The following DCC variants were observed in gnomAD, a reference collection of about 807,000 sequenced individuals.
The protein encoded by DCC is netrin receptor DCC.
In DCC, 58 loss-of-function variants were observed where a neutral mutation model predicts 172.5. The ratio of observed to expected loss-of-function variants is 0.34; its 90% CI spans 0.27 to 0.42. The LOEUF is 0.42. DCC is among the 10% of genes least tolerant of loss of function. DCC has a pLI of 1.00. For synonymous variants in DCC, 709 were observed against 644.5 expected, an observed-to-expected ratio of 1.10 and a Z score of -1.52; for missense variants, 1,740 against 1,791.0, an observed-to-expected ratio of 0.97 and a Z score of 0.51.
chr18:53,281,583 G>A (rs543519573), intron 12 of DCC, among the ~76,000 whole-genome samples: 30 of 152,240 alleles, frequency 2.0e-4, no homozygotes, highest in African/African-American at 7.2e-4. Flanking sequence ...CCTTTTGCTA[G>A]CAAACTGACT....
In DCC at chr18:52,474,330, C is replaced by T. The variant is rs1231929; in HGVS notation, c.91+133452C>T. On this transcript the variant is annotated intron_variant, in intron 1 of 28. Transcript: ENST00000442544. ...GGGAGTAGGAGGCTGTCATTGGTGG[C>T]GGAGATTTTAGAGGCCTTATAAGAC... is the stretch of plus-strand genomic sequence containing the variant. 8.8e-3 allele frequency among the ~76,000 whole-genome samples: 1,328 copies of T among 151,230 alleles called. 10 individuals are homozygous for T. The highest frequency in any genetic ancestry group is 0.011 in the Admixed American group (173 of 15,176).
intron 1 of DCC, among the ~76,000 whole-genome samples, chr18:52,373,525 A>T (rs149019408): frequency 6.6e-6 from 1 of 152,174 alleles, no homozygotes; most frequent in South Asian, 2.1e-4. Context: ...TGTGACATGT[A>T]TACCAACTAT....
rs1426807306 is a variant in DCC at position 52,717,436 on chromosome 18, T to TTC, written c.92-34617_92-34616insCT. ...TAAGAGAATTTCTAAATTTCTTTTT[T>TTC]TTTTTTTTTTTTCCAAAAAAAGGAA... is the stretch of plus-strand genomic sequence containing the variant. On this transcript the variant is annotated intron_variant, in intron 1 of 28. Coordinates refer to ENST00000442544, the MANE Select transcript of DCC (RefSeq NM_005215.4). Among the ~76,000 whole-genome samples, 10 of 132,128 alleles carry TTC rather than the reference T, an allele frequency of 7.6e-5. 1 individual carries two copies. The highest frequency in any genetic ancestry group is 2.5e-4 in the African/African-American group (10 of 39,280). The allele number at this position is 132,128 out of a possible 152,430, so 86.7% of individuals were successfully genotyped here.
chr18:53,501,385 A>G (rs1445170000), intron 27 of DCC, among the ~76,000 whole-genome samples: 1 of 152,188 alleles, frequency 6.6e-6, no homozygotes, highest in Non-Finnish European at 1.5e-5. Context: ...AATTTTAGAA[A>G]CTCATTTGTG....
At position 52,906,028 on chromosome 18, in the gene DCC, T is replaced by A. The variant is rs746410656; in HGVS notation, c.413-16T>A. On this transcript the variant is annotated splice_polypyrimidine_tract_variant and intron_variant, in intron 2 of 28. Transcript: ENST00000442544. ...TATTTGGAAGACTTATTCTTCCTTCTTTGTTTTTCTCCTAGGACCACTGAG... is the reference window on the plus strand; with the variant it reads ...TATTTGGAAGACTTATTCTTCCTTCATTGTTTTTCTCCTAGGACCACTGAG... The A allele has an allele frequency of 5.8e-6, 9 of 1,560,804 alleles. No individual in the cohort carries two copies. In the South Asian group the frequency reaches 1.0e-4, roughly 17 times the overall value.
chr18:52,395,777 T>C (rs3862678), intron 1 of DCC, among the ~76,000 whole-genome samples: 101,174 of 151,748 alleles, frequency 0.67, 34,263 homozygotes, highest in Middle Eastern at 0.74. Context: ...TCATGGCTCC[T>C]CCTGAAGTCA....
At chr18:53,039,809 G>A (rs769870565) in intron 5 of DCC, among the ~76,000 whole-genome samples, 84 of 152,006 alleles carry the variant, frequency 5.5e-4, no homozygotes, top group Non-Finnish European at 7.1e-4. Flanking sequence ...TTTCCTTCAT[G>A]TTTTAATGTA....
At position 53,069,625 on chromosome 18, in the gene DCC, A is replaced by C. The variant is rs533176049; in HGVS notation, c.1261+3459A>C. On this transcript the variant is annotated intron_variant, in intron 7 of 28. Coordinates refer to ENST00000442544, the MANE Select transcript of DCC (RefSeq NM_005215.4). ...ACAGAACTGCTCCACAAAAACAAAA[A>C]AAAAAAAAAAGAAGCTTGCAGAAAC... 6.2e-3 allele frequency among the ~76,000 whole-genome samples: 947 copies of C among 152,094 alleles called. 8 individuals carry two copies. The highest frequency in any genetic ancestry group is 0.038 in the Middle Eastern group (11 of 292).
intron 5 of DCC, among the ~76,000 whole-genome samples, chr18:53,022,013 T>A (rs1188017485): frequency 6.6e-6 from 1 of 152,182 alleles, no homozygotes; most frequent in Non-Finnish European, 1.5e-5. Context: ...AAAGCTATAT[T>A]TTGTCAGCTG....
intron 2 of DCC, among the ~76,000 whole-genome samples, chr18:52,848,846 A>T (rs899851695): frequency 1.3e-5 from 2 of 152,232 alleles, no homozygotes; most frequent in East Asian, 3.8e-4. Flanking sequence ...TTCGTGTTCA[A>T]ATACCTTGTT....
At chr18:52,363,248 T>G (rs1390717909) in intron 1 of DCC, among the ~76,000 whole-genome samples, 1 of 152,252 alleles carries the variant, frequency 6.6e-6, no homozygotes, top group Non-Finnish European at 1.5e-5. Context: ...TCAAGAAGTC[T>G]GTATTCAGAC....
chr18:52,463,775 C>T lies in DCC; in HGVS notation c.91+122897C>T, dbSNP rs116169589. Among the ~76,000 whole-genome samples the T allele has an allele frequency of 3.7e-3, 563 of 152,280 alleles. 4 individuals are homozygous for T. Among genetic ancestry groups the T allele is most frequent in the African/African-American group, 0.013 (537 of 41,552 alleles). On this transcript the variant is annotated intron_variant, in intron 1 of 28. Transcript: ENST00000442544. ...AAACAGAGGAAGGACAGATTCTTTT[C>T]TCATTAAGCCTGCAGTCCAGACCAG...
chr18:53,253,938 G>T (rs371392785), intron 12 of DCC, among the ~76,000 whole-genome samples: 17 of 152,106 alleles, frequency 1.1e-4, no homozygotes, highest in East Asian at 9.7e-4. Context: ...AGGGTATATA[G>T]GAATCAGTGT....
chr18:53,352,070 G>T (rs2057818882), intron 15 of DCC, among the ~76,000 whole-genome samples: 1 of 151,976 alleles, frequency 6.6e-6, no homozygotes, highest in Admixed American at 6.6e-5. Flanking sequence ...AATCTGATCA[G>T]AACTTGCAGA....
At chr18:53,003,094 C>T (rs181425743) in intron 5 of DCC, among the ~76,000 whole-genome samples, 1 of 152,214 alleles carries the variant, frequency 6.6e-6, no homozygotes, top group African/African-American at 2.4e-5. Flanking sequence ...CCTCTATAAC[C>T]AGATTCTAAC....
intron 1 of DCC, among the ~76,000 whole-genome samples, chr18:52,727,377 A>T (rs2036567062): frequency 6.6e-6 from 1 of 152,152 alleles, no homozygotes; most frequent in Non-Finnish European, 1.5e-5. Flanking sequence ...AAGAGTTAGG[A>T]TAAGGACTTT....
chr18:52,409,945 T>C (rs962345862), intron 1 of DCC, among the ~76,000 whole-genome samples: 1 of 152,084 alleles, frequency 6.6e-6, no homozygotes, highest in Non-Finnish European at 1.5e-5. Context: ...AAGGGCACCC[T>C]CTGGTGGTTC....
At chr18:52,969,370 A>G (rs964981637) in intron 5 of DCC, among the ~76,000 whole-genome samples, 6 of 152,076 alleles carry the variant, frequency 3.9e-5, no homozygotes, top group South Asian at 2.1e-4. Context: ...AAATAACACT[A>G]CCACCAACCA....
chr18:52,811,499 G>T (rs2038197992), intron 2 of DCC, among the ~76,000 whole-genome samples: 1 of 152,176 alleles, frequency 6.6e-6, no homozygotes, highest in African/African-American at 2.4e-5. Flanking sequence ...AAATTATATT[G>T]AAGAGGGACT....
Sources: gnomAD v4.1 joint callset for allele counts (sites outside exome capture counted in the v4.1 genomes callset) on GRCh38, gnomAD v4.1.1 for gene constraint, MANE v1.5 for transcripts, NCBI Gene and HGNC (gene_info 2026-07-23, HGNC 2026-07-21) for gene names.